The following PSD3 variants were observed in gnomAD, a reference collection of about 807,000 sequenced individuals.
The protein encoded by PSD3 is PH and SEC7 domain-containing protein 3.
In PSD3, 49 loss-of-function variants were observed where a neutral mutation model predicts 105.5. That is an observed-to-expected ratio of 0.46 (90% CI 0.37 to 0.59). The LOEUF is 0.59. Among genes scored for constraint, PSD3 ranks in the 20% least tolerant of loss-of-function variants. The pLI, the probability that PSD3 is intolerant of heterozygous loss-of-function variation, is 0.00. For missense variants in PSD3, 1,561 were observed against 1,263.8 expected (o/e 1.24, Z -3.57); for synonymous variants, 557 against 457.8 (o/e 1.22, Z -2.77).
intron 8 of PSD3, among the ~76,000 whole-genome samples, chr8:18,772,075 G>A (rs896463920): frequency 2.6e-5 from 4 of 152,042 alleles, no homozygotes; most frequent in South Asian, 2.1e-4. Context: ...CCTTTTTAAG[G>A]CTGAACGATT....
intron 10 of PSD3, among the ~76,000 whole-genome samples, chr8:18,647,794 C>A (rs528179866): frequency 2.6e-5 from 4 of 152,172 alleles, no homozygotes; most frequent in African/African-American, 7.2e-5. Context: ...GGCATTACCC[C>A]CTTTAGTACT....
intron 9 of PSD3, among the ~76,000 whole-genome samples, chr8:18,706,935 A>G (rs543122012): frequency 1.3e-5 from 2 of 152,330 alleles, no homozygotes; most frequent in African/African-American, 4.8e-5. Flanking sequence ...TTTAATTTTT[A>G]TAAGGGAATG....
At chr8:18,947,866 G>T (rs1182280587) in intron 1 of PSD3, among the ~76,000 whole-genome samples, 2 of 152,122 alleles carry the variant, frequency 1.3e-5, no homozygotes, top group African/African-American at 4.8e-5. Flanking sequence ...GAGCTAGAAA[G>T]CTAGGACGGT....
rs765109077 is a variant in PSD3 at position 18,529,725 on chromosome 8, T to C, written c.*6018A>G. 1 of 152,788 alleles carries C rather than the reference T, an allele frequency of 6.5e-6. No homozygotes were observed. Among genetic ancestry groups the C allele is most frequent in the East Asian group, 1.9e-4 (1 of 5,186 alleles). 9.5% of individuals were successfully genotyped at this position (152,788 alleles called of 1,614,324 possible). On this transcript the variant is annotated 3_prime_UTR_variant, in exon 16 of 16. Coordinates refer to ENST00000327040, the MANE Select transcript of PSD3 (RefSeq NM_015310.4). Reference sequence around the variant, plus strand: ...TGGTTACTTGGCTTTATAAACTCCATGGCTTTATGTTTAAAGTCCAAACAT... The same window carrying C: ...TGGTTACTTGGCTTTATAAACTCCACGGCTTTATGTTTAAAGTCCAAACAT...
intron 1 of PSD3, among the ~76,000 whole-genome samples, chr8:19,028,340 G>A (rs1187136232): frequency 1.8e-5 from 2 of 113,594 alleles, no homozygotes; most frequent in Admixed American, 1.3e-4. Context: ...TGAAGATTGT[G>A]TAGATTGTGA....
rs1202049978 is a variant in PSD3 at position 18,530,134 on chromosome 8, C to A, written c.*5609G>T. 1 of 152,590 alleles carries A rather than the reference C, an allele frequency of 6.6e-6. No homozygotes were observed. The highest frequency in any genetic ancestry group is 2.4e-5 in the African/African-American group (1 of 41,432). The allele number at this position is 152,590 out of a possible 1,614,324, so 9.5% of individuals were successfully genotyped here. A position where few individuals can be genotyped will look rare whatever the true frequency, so the allele number is the denominator to read the frequency against. ...ACAAAAGACACTGCACTCAGCCACTCACTCAAACACACTCAGTCACTGCTT... is the reference window on the plus strand; with the variant it reads ...ACAAAAGACACTGCACTCAGCCACTAACTCAAACACACTCAGTCACTGCTT... On this transcript the variant is annotated 3_prime_UTR_variant, in exon 16 of 16. Transcript: ENST00000327040.
chr8:19,002,721 A>T (rs1478393987), intron 1 of PSD3, among the ~76,000 whole-genome samples: 1 of 152,112 alleles, frequency 6.6e-6, no homozygotes, highest in Non-Finnish European at 1.5e-5. Flanking sequence ...TGAATAAATA[A>T]TGACAAGAAA....
At chr8:18,901,408 T>G (rs1819494230) in intron 2 of PSD3, among the ~76,000 whole-genome samples, 1 of 152,214 alleles carries the variant, frequency 6.6e-6, no homozygotes, top group African/African-American at 2.4e-5. Flanking sequence ...GTGGAGAATT[T>G]AATCCATTGA....
At chr8:18,821,007 C>T (rs1812653527) in intron 4 of PSD3, among the ~76,000 whole-genome samples, 1 of 152,148 alleles carries the variant, frequency 6.6e-6, no homozygotes, top group Non-Finnish European at 1.5e-5. Context: ...ACCCCAGCCT[C>T]CCCAAATGCT....
intron 1 of PSD3, among the ~76,000 whole-genome samples, chr8:19,046,357 G>A (rs1207199581): frequency 1.3e-5 from 2 of 151,912 alleles, no homozygotes; most frequent in Non-Finnish European, 2.9e-5. Context: ...TGATCTGCCC[G>A]CCTCAGCCTC....
At chr8:19,048,855 CA>C (rs1268343156) in intron 1 of PSD3, among the ~76,000 whole-genome samples, 1 of 152,188 alleles carries the variant, frequency 6.6e-6, no homozygotes, top group Non-Finnish European at 1.5e-5. Flanking sequence ...ACTTAAGCAA[CA>C]GAAGTTGATT....
chr8:18,668,875 C>G (rs76970823), intron 9 of PSD3, among the ~76,000 whole-genome samples: 2,641 of 152,270 alleles, frequency 0.017, 64 homozygotes, highest in African/African-American at 0.048. Context: ...CAATGCTATC[C>G]ACAGTATTAC....
chr8:18,759,538 C>A (rs1001769323), intron 9 of PSD3, among the ~76,000 whole-genome samples: 1 of 152,136 alleles, frequency 6.6e-6, no homozygotes, highest in African/African-American at 2.4e-5. Flanking sequence ...TCTTTCTACT[C>A]TCCCTTGGTA....
At chr8:18,970,582 C>T (rs1324193884) in intron 1 of PSD3, among the ~76,000 whole-genome samples, 1 of 152,064 alleles carries the variant, frequency 6.6e-6, no homozygotes, top group Non-Finnish European at 1.5e-5. Context: ...CGTCCATCTT[C>T]CTTCTCTTAA....
chr8:18,845,018 C>G (rs989906723), intron 4 of PSD3, among the ~76,000 whole-genome samples: 5 of 152,134 alleles, frequency 3.3e-5, no homozygotes, highest in Non-Finnish European at 7.3e-5. Context: ...GGAGTTCAAA[C>G]TGGCCTAGAT....
intron 1 of PSD3, among the ~76,000 whole-genome samples, chr8:19,081,070 G>A (rs1054661060): frequency 3.9e-5 from 6 of 152,162 alleles, no homozygotes; most frequent in Non-Finnish European, 7.3e-5. Flanking sequence ...TTCCCACAGA[G>A]GGGCAGCAGC....
At chr8:19,017,623 G>T (rs114242320), upstream of PSD3, among the ~76,000 whole-genome samples, 411 of 152,204 alleles carry the variant, frequency 2.7e-3, no homozygotes, top group African/African-American at 9.5e-3. Context: ...CTACAGATTT[G>T]CCTATTCTGG....
At chr8:18,942,240 G>A (rs1234539774) in intron 1 of PSD3, among the ~76,000 whole-genome samples, 1 of 152,044 alleles carries the variant, frequency 6.6e-6, no homozygotes, top group Non-Finnish European at 1.5e-5. Context: ...GTATTATAAA[G>A]AAAAAATTAA....
intron 3 of PSD3, among the ~76,000 whole-genome samples, chr8:18,868,514 A>G (rs1817111359): frequency 6.6e-6 from 1 of 152,122 alleles, no homozygotes; most frequent in Non-Finnish European, 1.5e-5. Context: ...TCTGATTTAA[A>G]TAAGGCCAAA....
Sources: gnomAD v4.1 joint callset for allele counts (sites outside exome capture counted in the v4.1 genomes callset) on GRCh38, gnomAD v4.1.1 for gene constraint, MANE v1.5 for transcripts, NCBI Gene and HGNC (gene_info 2026-07-23, HGNC 2026-07-21) for gene names.